Variants in APBA2 observed in about 807,000 individuals in gnomAD.
The protein encoded by APBA2 is amyloid beta precursor protein binding family A member 2.
A neutral mutation model predicts 75.0 loss-of-function variants in APBA2; 30 were observed. The ratio of observed to expected loss-of-function variants is 0.40; its 90% confidence interval spans 0.30 to 0.54. APBA2 has a LOEUF of 0.54. Among genes scored for constraint, APBA2 ranks in the 20% least tolerant of loss-of-function variants. The probability of loss-of-function intolerance (pLI) is 0.49; values close to 1 mark genes in which losing one functional copy is unlikely to be tolerated. For synonymous variants in APBA2, 444 were observed against 409.6 expected (o/e 1.08, Z -1.01); for missense variants, 801 against 1,016.1 (o/e 0.79, Z 2.88).
At position 29,117,501 on chromosome 15, in the gene APBA2, C is replaced by G. The variant is rs1208507752; in HGVS notation, c.*368C>G. 1 of 294,464 alleles carries G rather than the reference C, an allele frequency of 3.4e-6. No homozygotes were observed. The highest frequency in any genetic ancestry group is 9.0e-5 in the East Asian group (1 of 11,156). 18.2% of individuals were successfully genotyped at this position (294,464 alleles called of 1,614,324 possible). A position where few individuals can be genotyped will look rare whatever the true frequency, so the allele number is the denominator to read the frequency against. ...ACTGGCGCCTCCGAGGGACGCGGCT[C>G]CCGGGGCAGGGCAGCCGTCACCCCT... On this transcript the variant is annotated 3_prime_UTR_variant, in exon 15 of 15. Transcript: ENST00000683413.
At chr15:28,903,080 C>T (rs1163099693) in intron 1 of APBA2, among the ~76,000 whole-genome samples, 1 of 152,180 alleles carries the variant, frequency 6.6e-6, no homozygotes, top group Non-Finnish European at 1.5e-5. Context: ...TTGCTGACGT[C>T]CTGTGGCCCA....
intron 2 of APBA2, among the ~76,000 whole-genome samples, 192 bp downstream of exon 2, chr15:28,921,941 C>T (rs548931131): frequency 6.6e-6 from 1 of 152,330 alleles, no homozygotes; most frequent in African/African-American, 2.4e-5. Context: ...CATACGCTTA[C>T]ATTTATTTTG....
At chr15:28,935,526 G>A (rs1408824438) in intron 2 of APBA2, among the ~76,000 whole-genome samples, 1 of 152,224 alleles carries the variant, frequency 6.6e-6, no homozygotes, top group Admixed American at 6.5e-5. Context: ...GGCGAACAGA[G>A]GAAGTAGAGG....
intron 3 of APBA2, among the ~76,000 whole-genome samples, chr15:29,030,722 TG>T (rs536855427): frequency 5.4e-4 from 72 of 134,198 alleles, no homozygotes; most frequent in Admixed American, 3.4e-3. Context: ...GTTAAACCCA[TG>T]TGAGTATGTG....
At chr15:29,019,241 T>C (rs536165149) in intron 3 of APBA2, among the ~76,000 whole-genome samples, 1 of 152,380 alleles carries the variant, frequency 6.6e-6, no homozygotes, top group South Asian at 2.1e-4. Flanking sequence ...TCTGTGGGGC[T>C]GGGCCTCACA....
intron 3 of APBA2, among the ~76,000 whole-genome samples, chr15:29,018,251 C>T (rs953360206): frequency 3.9e-5 from 6 of 152,146 alleles, no homozygotes; most frequent in South Asian, 4.2e-4. Flanking sequence ...CAGGGCTGAG[C>T]GTTGTATAGT....
rs191722879 is a variant in APBA2, at chr15:29,046,378, G to A, written c.-40-7467G>A. 5.3e-5 allele frequency among the ~76,000 whole-genome samples: 8 copies of A among 152,212 alleles called. No individual in the cohort carries two copies. The highest frequency in any genetic ancestry group is 1.9e-4 in the East Asian group (1 of 5,188). On this transcript the variant is annotated intron_variant, in intron 3 of 14. Coordinates refer to ENST00000683413, the MANE Select transcript of APBA2 (RefSeq NM_001353788.2). The surrounding 1 kb of genome is among the most constrained non-coding windows in gnomAD (Gnocchi z 5.0). ...TATCTGCTGTGCTCTGAATAGCCCCGTCCTGCCAGGCCACCCACCTTTGCC... is the reference window on the plus strand; with the variant it reads ...TATCTGCTGTGCTCTGAATAGCCCCATCCTGCCAGGCCACCCACCTTTGCC...
intron 9 of APBA2, among the ~76,000 whole-genome samples, chr15:29,099,353 C>T (rs1306753789): frequency 6.6e-6 from 1 of 152,214 alleles, no homozygotes; most frequent in African/African-American, 2.4e-5. Context: ...AGAGCAGAAT[C>T]AGCAAAGCGG....
intron 3 of APBA2, among the ~76,000 whole-genome samples, chr15:29,030,456 C>T (rs1171134401): frequency 6.6e-6 from 1 of 150,836 alleles, no homozygotes; most frequent in South Asian, 2.1e-4. Context: ...AGCCAGACTC[C>T]GTCTCAAAAA....
chr15:29,066,952 T>C (rs1165287129), intron 4 of APBA2, among the ~76,000 whole-genome samples: 1 of 152,136 alleles, frequency 6.6e-6, no homozygotes, highest in Non-Finnish European at 1.5e-5. Context: ...GGAAGCATAA[T>C]ACTAACATCT....
chr15:29,058,452 A>G (rs1015200923), intron 4 of APBA2, among the ~76,000 whole-genome samples: 9 of 152,162 alleles, frequency 5.9e-5, no homozygotes, highest in African/African-American at 2.2e-4. Flanking sequence ...CAGAAGCTGC[A>G]GTGAGCCGAG....
intron 3 of APBA2, among the ~76,000 whole-genome samples, chr15:29,026,321 C>T (rs1467208894): frequency 6.6e-6 from 1 of 152,156 alleles, no homozygotes; most frequent in African/African-American, 2.4e-5. Context: ...TTCAAGTTAT[C>T]GCTGTCAGGT....
intron 1 of APBA2, among the ~76,000 whole-genome samples, chr15:28,908,797 A>G (rs1406106699): frequency 2.0e-5 from 3 of 152,220 alleles, no homozygotes; most frequent in African/African-American, 7.2e-5. Context: ...AACACATAAC[A>G]TGACATTTAC....
chr15:28,974,356 T>C (rs1907001), intron 2 of APBA2, among the ~76,000 whole-genome samples: 45,673 of 151,954 alleles, frequency 0.3, 11,250 homozygotes, highest in African/African-American at 0.66. Context: ...ACAGGGGCGG[T>C]GGGGAGACAT....
chr15:28,936,464 A>G (rs1437097538), intron 2 of APBA2, among the ~76,000 whole-genome samples: 1 of 151,880 alleles, frequency 6.6e-6, no homozygotes, highest in African/African-American at 2.4e-5. Flanking sequence ...TCAGGTCAGA[A>G]GGGGGTTTGG....
At chr15:28,926,497 A>T (rs987266268) in intron 2 of APBA2, among the ~76,000 whole-genome samples, 2 of 152,188 alleles carry the variant, frequency 1.3e-5, no homozygotes, top group African/African-American at 4.8e-5. Context: ...TCAATTATCC[A>T]TATGTCATAA....
At chr15:28,920,503 G>A (rs1047877097) in intron 1 of APBA2, among the ~76,000 whole-genome samples, 24 of 152,230 alleles carry the variant, frequency 1.6e-4, no homozygotes, top group African/African-American at 5.3e-4. Flanking sequence ...CACGGTAGGA[G>A]CAGGCAGGTG....
intron 1 of APBA2, among the ~76,000 whole-genome samples, chr15:28,895,036 A>G (rs933587688): frequency 1.3e-5 from 2 of 152,156 alleles, no homozygotes; most frequent in Non-Finnish European, 2.9e-5. Flanking sequence ...GAGGACGTTT[A>G]ATTTTACCCT....
At chr15:28,942,050 C>A (rs549661784) in intron 2 of APBA2, among the ~76,000 whole-genome samples, 1 of 152,230 alleles carries the variant, frequency 6.6e-6, no homozygotes, top group Admixed American at 6.5e-5. Context: ...TGAGCCACTG[C>A]GCCTGGCCTC....
Sources: allele counts gnomAD v4.1 joint callset (sites outside exome capture counted in the v4.1 genomes callset), GRCh38; gene constraint gnomAD v4.1.1; non-coding constraint Gnocchi (gnomAD v3.1); transcripts MANE v1.5; gene names NCBI Gene and HGNC (gene_info 2026-07-23, HGNC 2026-07-21).